The following FGD4 variants were observed in gnomAD, a reference collection of about 807,000 sequenced individuals.
FGD4 encodes FYVE, RhoGEF and PH domain containing 4.
FGD4 carries 42 observed loss-of-function variants against 102.0 expected under a neutral mutation model. The observed-to-expected ratio is 0.41, with a 90% CI of 0.32 to 0.53. The LOEUF (loss-of-function observed/expected upper bound fraction) is 0.53, where lower values mean the gene tolerates loss of function less well. Among genes scored for constraint, FGD4 ranks in the 20% least tolerant of loss-of-function variants. The probability of loss-of-function intolerance (pLI) is 0.21; values close to 1 mark genes in which losing one functional copy is unlikely to be tolerated. For missense variants in FGD4, 902 were observed against 1,078.2 expected (o/e 0.84, Z 2.29); for synonymous variants, 380 against 375.7 (o/e 1.01, Z -0.13).
At chr12:32,405,038 A>G (rs1441944791) in intron 1 of FGD4, among the ~76,000 whole-genome samples, 1 of 152,054 alleles carries the variant, frequency 6.6e-6, no homozygotes, top group African/African-American at 2.4e-5. Context: ...GGTTCACGCC[A>G]TTCTCCTGCC....
chr12:32,584,006 T>C (rs950628347), intron 4 of FGD4, among the ~76,000 whole-genome samples: 13 of 152,244 alleles, frequency 8.5e-5, no homozygotes, highest in African/African-American at 3.1e-4. Flanking sequence ...GGTTGTTGGA[T>C]GGTACTTTTT....
intron 7 of FGD4, among the ~76,000 whole-genome samples, chr12:32,603,709 T>A (rs532833582): frequency 3.1e-4 from 46 of 150,366 alleles, no homozygotes; most frequent in East Asian, 1.2e-3. Context: ...GTTTATTATT[T>A]TTTTTTTTTA....
In FGD4 at chr12:32,640,621, T is replaced by C. The variant is rs1480348578; in HGVS notation, c.*88T>C. 8 of 1,582,198 alleles carry C rather than the reference T, an allele frequency of 5.1e-6. No homozygotes were observed. In the African/African-American group the frequency reaches 6.7e-5, roughly 13 times the overall value. On this transcript the variant is annotated 3_prime_UTR_variant, in exon 17 of 17. Transcript: ENST00000534526. ...TCTTCTTACACATCTGCTAGCACTTTATGTTGAAAAATATAGGCCCATAAA... is the reference window on the plus strand; with the variant it reads ...TCTTCTTACACATCTGCTAGCACTTCATGTTGAAAAATATAGGCCCATAAA...
chr12:32,522,525 G>A (rs1458707461), intron 1 of FGD4, among the ~76,000 whole-genome samples: 1 of 152,198 alleles, frequency 6.6e-6, no homozygotes, highest in African/African-American at 2.4e-5. Flanking sequence ...CAAGTTAGTA[G>A]CAAGTAACTG....
intron 1 of FGD4, among the ~76,000 whole-genome samples, chr12:32,556,672 C>G (rs562915321): frequency 6.6e-6 from 1 of 151,806 alleles, no homozygotes; most frequent in Non-Finnish European, 1.5e-5. Flanking sequence ...GCCTGGCCGA[C>G]GTGGTGAAAC....
intron 3 of FGD4, among the ~76,000 whole-genome samples, chr12:32,580,714 C>T (rs1454627540): frequency 1.3e-5 from 2 of 151,770 alleles, no homozygotes; most frequent in Middle Eastern, 3.2e-3. Context: ...GGTGAAACCC[C>T]GTCTCTACTA....
intron 1 of FGD4, among the ~76,000 whole-genome samples, chr12:32,494,402 C>T (rs1253325006): frequency 6.6e-6 from 1 of 152,098 alleles, no homozygotes; most frequent in Non-Finnish European, 1.5e-5. Context: ...TTTTACCCAC[C>T]TCCAGCCGTA....
At chr12:32,553,243 C>T (rs1042116937) in intron 1 of FGD4, among the ~76,000 whole-genome samples, 1 of 152,112 alleles carries the variant, frequency 6.6e-6, no homozygotes, top group Non-Finnish European at 1.5e-5. Flanking sequence ...GGCACTGTGG[C>T]CATGGGTCTT....
chr12:32,479,630 T>C (rs1395920754), intron 1 of FGD4, among the ~76,000 whole-genome samples: 2 of 150,112 alleles, frequency 1.3e-5, no homozygotes, highest in Non-Finnish European at 3.0e-5. Flanking sequence ...CTAATTAAAT[T>C]TAATCCTCTA....
intron 5 of FGD4, among the ~76,000 whole-genome samples, chr12:32,599,461 C>G (rs1403253477): frequency 9.5e-5 from 10 of 104,974 alleles, no homozygotes; most frequent in African/African-American, 4.7e-4. Flanking sequence ...GCCACTAGCA[C>G]TCCAGCCTGG....
chr12:32,525,647 C>T (rs1941070121), intron 1 of FGD4, among the ~76,000 whole-genome samples: 1 of 152,240 alleles, frequency 6.6e-6, no homozygotes, highest in African/African-American at 2.4e-5. Context: ...GGAGCCCACT[C>T]CCTCAGCTTG....
chr12:32,630,385 A>G (rs1447959357), intron 14 of FGD4, among the ~76,000 whole-genome samples: 1 of 152,186 alleles, frequency 6.6e-6, no homozygotes, highest in Non-Finnish European at 1.5e-5. Flanking sequence ...TTAATGCTAT[A>G]TAAACTTCAG....
rs770305396 is a variant in FGD4 at position 32,610,823 on chromosome 12, A to G, written c.1591A>G (p.Ile531Val). The G allele has an allele frequency of 6.2e-7, 1 of 1,613,758 alleles. No homozygotes were observed. The highest frequency in any genetic ancestry group is 8.5e-7 in the Non-Finnish European group (1 of 1,179,858). The change falls in exon 9 of 17, where the codon ATA (isoleucine) becomes GTA (valine). Residue 531 changes from isoleucine to valine, a missense_variant. This residue lies in a region of FGD4 where 459 missense variants were observed against 619.0 expected (regional missense o/e 0.74). Transcript: ENST00000534526. ...STAASHSNSA[I>V]RKMENLKKLL... ...AGCAGCAAGCCATTCTAATAGTGCA[A>G]TAAGGAAAATGGTAAGTGGTTTTCG...
In FGD4 at chr12:32,486,044, C is replaced by T. The variant is rs571704931; in HGVS notation, c.167-78093C>T. ...TCTAAATACAGAATGCCTATAGTTT[C>T]TACCAACAAATTATGGATCCAAATC... On this transcript the variant is annotated intron_variant, in intron 1 of 16. Coordinates refer to ENST00000534526, the MANE Select transcript of FGD4 (RefSeq NM_001370298.3). The T allele has an allele frequency of 4.2e-5, 62 of 1,490,918 alleles. No homozygotes were observed. The South Asian group carries it at 7.9e-4, about 19-fold the overall frequency. 92.4% of individuals were successfully genotyped at this position (1,490,918 alleles called of 1,614,324 possible).
chr12:32,635,048 G>A (rs927063589), intron 15 of FGD4, among the ~76,000 whole-genome samples: 11 of 152,208 alleles, frequency 7.2e-5, no homozygotes, highest in East Asian at 3.9e-4. Context: ...TTGTGTAAGC[G>A]TACAAGTATA....
chr12:32,543,879 G>A (rs927492294), intron 1 of FGD4, among the ~76,000 whole-genome samples: 2 of 151,882 alleles, frequency 1.3e-5, no homozygotes, highest in Non-Finnish European at 2.9e-5. Context: ...CGCCCGCCTC[G>A]GCCTCCCAAA....
intron 13 of FGD4, among the ~76,000 whole-genome samples, chr12:32,625,372 C>T (rs895286659): frequency 2.0e-5 from 3 of 149,806 alleles, no homozygotes; most frequent in Admixed American, 6.7e-5. Context: ...CGGGTTCAAG[C>T]GATTTTCCTG....
intron 1 of FGD4, among the ~76,000 whole-genome samples, chr12:32,436,323 CAGGA>C (rs1942226656): frequency 6.6e-6 from 1 of 152,206 alleles, no homozygotes; most frequent in South Asian, 2.1e-4. Context: ...TGGTTCTTTT[CAGGA>C]ACACCTGTAT....
At position 32,611,228 on chromosome 12, in the gene FGD4, A is replaced by C. The variant is rs764870212; in HGVS notation, c.1694A>C (p.Gln565Pro). Residue 565 changes from glutamine to proline, a missense_variant, in exon 10 of 17, where the codon CAG becomes CCG. By Grantham distance (76) the Gln-to-Pro change is moderately conservative. Around this residue, in one of 2 missense-constraint regions of FGD4, gnomAD observed 459 missense variants for 619.0 expected, o/e 0.74. Coordinates refer to ENST00000534526, the MANE Select transcript of FGD4 (RefSeq NM_001370298.3). ...TCAAATGAACTAATAAAAGAAGGACAGATCCTCAAACTAGCTGCTCGGAAC... is the reference window on the plus strand; with the variant it reads ...TCAAATGAACTAATAAAAGAAGGACCGATCCTCAAACTAGCTGCTCGGAAC... ...NPSNELIKEGQILKLAARNTS... is the reference protein window; with the variant it reads ...NPSNELIKEGPILKLAARNTS... The C allele has an allele frequency of 6.2e-7, 1 of 1,614,232 alleles. No homozygotes were observed. The highest frequency in any genetic ancestry group is 2.2e-5 in the East Asian group (1 of 44,886).
Sources: allele counts gnomAD v4.1 joint callset (sites outside exome capture counted in the v4.1 genomes callset), GRCh38; gene constraint gnomAD v4.1.1; regional missense constraint gnomAD v4.1.1; transcripts MANE v1.5; gene names NCBI Gene and HGNC (gene_info 2026-07-23, HGNC 2026-07-21).